AGTPBP1: variants seen among roughly 807,000 people sequenced by gnomAD.
AGTPBP1 encodes ATP/GTP binding carboxypeptidase 1.
AGTPBP1 carries 70 observed loss-of-function variants against 143.9 expected under a neutral mutation model. That is an observed-to-expected ratio of 0.49 (90% CI 0.40 to 0.59). AGTPBP1 has a LOEUF of 0.59. Among genes scored for constraint, AGTPBP1 ranks in the 20% least tolerant of loss-of-function variants. AGTPBP1 has a pLI of 0.00. For missense variants in AGTPBP1, 1,229 were observed against 1,464.5 expected (o/e 0.84, Z 2.62); for synonymous variants, 463 against 500.2 (o/e 0.93, Z 0.99).
chr9:85,790,997 A>G, the AGTPBP1 span, among the ~76,000 whole-genome samples: 5 of 152,214 alleles, frequency 3.3e-5, no homozygotes, highest in Non-Finnish European at 5.9e-5. Context: ...CCTTATTTGT[A>G]TACTGTATTA....
intron 1 of AGTPBP1, among the ~76,000 whole-genome samples, chr9:85,731,636 G>C (rs1334406509): frequency 6.6e-6 from 1 of 152,028 alleles, no homozygotes; most frequent in Non-Finnish European, 1.5e-5. Flanking sequence ...TCTTTGTAGA[G>C]ACCGGGTCTT....
intron 23 of AGTPBP1, among the ~76,000 whole-genome samples, chr9:85,580,831 TGA>T (rs1828210765): frequency 6.6e-6 from 1 of 152,158 alleles, no homozygotes; most frequent in East Asian, 1.9e-4. Context: ...ACTAAAAGAC[TGA>T]GACAGATTCA....
At chr9:85,730,654 T>C (rs754896392) in intron 1 of AGTPBP1, among the ~76,000 whole-genome samples, 2 of 152,226 alleles carry the variant, frequency 1.3e-5, no homozygotes, top group South Asian at 2.1e-4. Context: ...TGCTGTACCA[T>C]AGCTTGAACT....
intron 25 of AGTPBP1, among the ~76,000 whole-genome samples, chr9:85,551,451 CTCAT>C (rs2118404880): frequency 6.6e-6 from 1 of 152,314 alleles, no homozygotes; most frequent in South Asian, 2.1e-4. Context: ...ATTGAAAGCA[CTCAT>C]TTGTGTGCCT....
At chr9:85,753,075 C>A in the AGTPBP1 span, among the ~76,000 whole-genome samples, 1 of 152,120 alleles carries the variant, frequency 6.6e-6, no homozygotes, top group East Asian at 1.9e-4. Context: ...AGAGCCCCAA[C>A]TGTCATCTAC....
chr9:85,579,248 A>G (rs1395249661), intron 23 of AGTPBP1, 152 bp from the exon 24 acceptor site: 25 of 715,524 alleles, frequency 3.5e-5, no homozygotes, highest in Non-Finnish European at 4.9e-5. Flanking sequence ...ACAGCAAAAC[A>G]ATCCTCTTAA....
At chr9:85,661,637 G>A (rs1346174246) in intron 8 of AGTPBP1, among the ~76,000 whole-genome samples, 1 of 152,004 alleles carries the variant, frequency 6.6e-6, no homozygotes, top group Non-Finnish European at 1.5e-5. Context: ...TATTTAAATT[G>A]TATTTGAACG....
At chr9:85,632,106 T>C (rs1158637399) in intron 14 of AGTPBP1, among the ~76,000 whole-genome samples, 1 of 152,090 alleles carries the variant, frequency 6.6e-6, no homozygotes, top group Non-Finnish European at 1.5e-5. Context: ...TATATATATA[T>C]ATTTATGGGG....
Position 85,633,230 on chromosome 9 carries a change from A to T in AGTPBP1, c.1447T>A (p.Ser483Thr), listed in dbSNP as rs201575253. 2.4e-5 allele frequency: 38 copies of T among 1,613,948 alleles called. No homozygotes were observed. The highest frequency in any genetic ancestry group is 3.0e-5 in the Non-Finnish European group (35 of 1,179,974). The change falls in exon 14 of 26, where the codon TCT (serine) becomes ACT (threonine). Residue 483 changes from serine (S) to threonine (T), a missense_variant. Physicochemically the swap from Ser to Thr is moderately conservative, Grantham distance 58 (BLOSUM62 1). Around this residue, in one of 2 missense-constraint regions of AGTPBP1, gnomAD observed 743 missense variants for 812.2 expected, o/e 0.91. Coordinates refer to ENST00000357081, the MANE Select transcript of AGTPBP1 (RefSeq NM_001330701.2). ...TTCTTTTCACCTTCATCTCCTTTAG[A>T]AGATATGTTCTCCTTCATTACAACT... ...RKVVMKENIS[S>T]KGDEGEKKST...
At chr9:85,570,172 G>A (rs932840548) in intron 25 of AGTPBP1, among the ~76,000 whole-genome samples, 1 of 152,200 alleles carries the variant, frequency 6.6e-6, no homozygotes, top group African/African-American at 2.4e-5. Flanking sequence ...GTGTGGCTAT[G>A]CTGGACAAAA....
chr9:85,585,348 A>G, intron 23 of AGTPBP1, 115 bp downstream of exon 23: 2 of 1,123,306 alleles, frequency 1.8e-6, no homozygotes, highest in Non-Finnish European at 2.3e-6. Context: ...AAAATCTGAA[A>G]CAAAAATGGC....
chr9:85,710,955 C>T (rs746371608), intron 2 of AGTPBP1, among the ~76,000 whole-genome samples: 26 of 151,940 alleles, frequency 1.7e-4, no homozygotes, highest in African/African-American at 5.6e-4. Context: ...TACACAAGTA[C>T]GTGACTAAAA....
In AGTPBP1 at chr9:85,702,354, T is replaced by G. The variant is rs1414246083; in HGVS notation, c.33-9541A>C. On this transcript the variant is annotated intron_variant, in intron 2 of 25. Transcript: ENST00000357081. ...TTACATCCATTAAATTGTGATCACT[T>G]TCTCCATTACTATTCTTTGTGTGTT... 4.6e-5 allele frequency among the ~76,000 whole-genome samples: 7 copies of G among 152,214 alleles called. 1 individual carries two copies. The highest frequency in any genetic ancestry group is 1.7e-4 in the African/African-American group (7 of 41,458).
intron 1 of AGTPBP1, among the ~76,000 whole-genome samples, chr9:85,728,835 T>G (rs149023107): frequency 6.6e-6 from 1 of 152,302 alleles, no homozygotes; most frequent in African/African-American, 2.4e-5. Flanking sequence ...TGGACTATAT[T>G]TTTATTAGTA....
chr9:85,546,868 G>A lies in AGTPBP1; in HGVS notation c.*241C>T, dbSNP rs1162728004. On this transcript the variant is annotated 3_prime_UTR_variant, in exon 26 of 26. Transcript: ENST00000357081. Reference sequence around the variant, plus strand: ...ATGATACTCAGGTTTTTTTTTTAAAGGTAAATCCAATATTTGATCATTCAA... The same window carrying A: ...ATGATACTCAGGTTTTTTTTTTAAAAGTAAATCCAATATTTGATCATTCAA... 1 of 301,082 alleles carries A rather than the reference G, an allele frequency of 3.3e-6. No individual in the cohort carries two copies. The highest frequency in any genetic ancestry group is 6.0e-6 in the Non-Finnish European group (1 of 166,850). The allele number at this position is 301,082 out of a possible 1,614,324, so 18.7% of individuals were successfully genotyped here.
intron 13 of AGTPBP1, among the ~76,000 whole-genome samples, chr9:85,636,443 A>C (rs1353644702): frequency 1.3e-5 from 2 of 151,850 alleles, no homozygotes; most frequent in African/African-American, 2.4e-5. Context: ...TTGTATTTTT[A>C]GTAGAGACGG....
At chr9:85,732,405 G>T (rs1207795594) in intron 1 of AGTPBP1, among the ~76,000 whole-genome samples, 1 of 151,570 alleles carries the variant, frequency 6.6e-6, no homozygotes, top group Admixed American at 6.6e-5. Context: ...TAGTAGAGAC[G>T]GGGTTTTACC....
chr9:85,779,220 TATAG>T, the AGTPBP1 span, among the ~76,000 whole-genome samples: 14 of 139,036 alleles, frequency 1.0e-4, no homozygotes, highest in South Asian at 1.1e-3. Context: ...TAGATATAGA[TATAG>T]ATATAGATAT....
At chr9:85,761,354 C>T in the AGTPBP1 span, among the ~76,000 whole-genome samples, 1,311 of 152,260 alleles carry the variant, frequency 8.6e-3, 18 homozygotes, top group African/African-American at 0.03. Context: ...GGAGGCATCA[C>T]GCTACCTGAC....
Sources: allele counts gnomAD v4.1 joint callset (sites outside exome capture counted in the v4.1 genomes callset), GRCh38; gene constraint gnomAD v4.1.1; regional missense constraint gnomAD v4.1.1; transcripts MANE v1.5; gene names NCBI Gene and HGNC (gene_info 2026-07-23, HGNC 2026-07-21).